TENM2: variants seen among roughly 807,000 people sequenced by gnomAD.
TENM2 encodes teneurin transmembrane protein 2, also known as teneurin-2.
TENM2 carries 52 observed loss-of-function variants against 245.2 expected under a neutral mutation model. That is an observed-to-expected ratio of 0.21 (90% CI 0.17 to 0.27). TENM2 has a LOEUF of 0.27. Among genes scored for constraint, TENM2 ranks in the 10% least tolerant of loss-of-function variants. The pLI, the probability that TENM2 is intolerant of heterozygous loss-of-function variation, is 1.00. For synonymous variants in TENM2, 1,363 were observed against 1,438.9 expected, an observed-to-expected ratio of 0.95 and a Z score of 1.19; for missense variants, 3,046 against 3,666.8, an observed-to-expected ratio of 0.83 and a Z score of 4.37.
the TENM2 span, among the ~76,000 whole-genome samples, chr5:167,071,195 A>G: frequency 6.6e-6 from 1 of 152,178 alleles, no homozygotes; most frequent in East Asian, 1.9e-4. Context: ...CATTGGTGGA[A>G]CTCCTTCAAA....
intron 2 of TENM2, among the ~76,000 whole-genome samples, chr5:167,528,738 G>A (rs891310351): frequency 1.3e-5 from 2 of 152,094 alleles, no homozygotes; most frequent in Non-Finnish European, 2.9e-5. Context: ...GCTGCTCAGC[G>A]ACTGATATTA....
At chr5:167,456,495 G>A (rs1765930756) in intron 2 of TENM2, among the ~76,000 whole-genome samples, 5 of 151,950 alleles carry the variant, frequency 3.3e-5, no homozygotes. Context: ...CACACATCTG[G>A]TTTTTAAATG....
intron 2 of TENM2, among the ~76,000 whole-genome samples, chr5:167,404,102 CTTAT>C (rs1173474557): frequency 6.6e-6 from 1 of 151,990 alleles, no homozygotes; most frequent in East Asian, 1.9e-4. Context: ...GAAAATGACA[CTTAT>C]ATTTTAAACC....
intron 13 of TENM2, 25 bp from the exon 16 acceptor site, chr5:168,190,312 T>C (rs922992518): frequency 2.5e-6 from 4 of 1,596,838 alleles, no homozygotes; most frequent in Non-Finnish European, 3.4e-6. Context: ...ATCTGCTGAC[T>C]CTGGCTCTGC....
intron 2 of TENM2, among the ~76,000 whole-genome samples, chr5:167,652,693 C>T (rs984801785): frequency 4.6e-5 from 7 of 152,136 alleles, no homozygotes; most frequent in Non-Finnish European, 8.8e-5. Flanking sequence ...TCTCTCTTTC[C>T]TTAATTGCTA....
intron 2 of TENM2, among the ~76,000 whole-genome samples, chr5:167,440,064 T>A (rs1433813661): frequency 1.4e-4 from 21 of 152,206 alleles, no homozygotes; most frequent in Admixed American, 1.4e-3. Context: ...TTTTCAGACA[T>A]AATTCATTTG....
chr5:167,958,317 T>C (rs1249448158), intron 4 of TENM2, among the ~76,000 whole-genome samples: 1 of 152,230 alleles, frequency 6.6e-6, no homozygotes, highest in African/African-American at 2.4e-5. Context: ...TGTTTTTTGC[T>C]TTCCATTTGC....
intron 2 of TENM2, among the ~76,000 whole-genome samples, chr5:167,661,579 C>CAT (rs1475041469): frequency 6.6e-6 from 1 of 152,204 alleles, no homozygotes; most frequent in African/African-American, 2.4e-5. Flanking sequence ...ACAAACTATA[C>CAT]ATCTTATTAA....
intron 2 of TENM2, among the ~76,000 whole-genome samples, chr5:167,507,549 C>T (rs757240353): frequency 1.9e-4 from 29 of 152,096 alleles, no homozygotes; most frequent in Non-Finnish European, 3.8e-4. Flanking sequence ...ACCTTCAATT[C>T]GAGATGAATG....
At chr5:167,367,231 A>G (rs891387496) in intron 1 of TENM2, among the ~76,000 whole-genome samples, 1 of 152,312 alleles carries the variant, frequency 6.6e-6, no homozygotes, top group South Asian at 2.1e-4. Flanking sequence ...GAATGGTTCT[A>G]GTTACAAATT....
chr5:167,036,745 T>C, the TENM2 span, among the ~76,000 whole-genome samples: 4 of 152,202 alleles, frequency 2.6e-5, no homozygotes, highest in Admixed American at 2.6e-4. Flanking sequence ...TGGGATATTA[T>C]AGTTGTCTGC....
chr5:167,791,133 ATTC>A (rs1243351993), intron 2 of TENM2, among the ~76,000 whole-genome samples: 1 of 152,124 alleles, frequency 6.6e-6, no homozygotes, highest in East Asian at 1.9e-4. Context: ...TCTTGGTAAT[ATTC>A]TTAGAATTTA....
At chr5:167,423,188 T>C (rs1763612806) in intron 2 of TENM2, among the ~76,000 whole-genome samples, 2 of 152,182 alleles carry the variant, frequency 1.3e-5, no homozygotes, top group Non-Finnish European at 2.9e-5. Context: ...TCCTAAGACT[T>C]GCAATTATTT....
intron 2 of TENM2, among the ~76,000 whole-genome samples, chr5:167,507,748 G>A (rs998793546): frequency 6.6e-6 from 1 of 152,078 alleles, no homozygotes; most frequent in Non-Finnish European, 1.5e-5. Context: ...CTGTGTATGG[G>A]TTAGTATAGT....
At chr5:167,384,130 GCTGA>G (rs1159839020) in intron 2 of TENM2, among the ~76,000 whole-genome samples, 3 of 152,166 alleles carry the variant, frequency 2.0e-5, no homozygotes, top group South Asian at 2.1e-4. Context: ...AATTCTCTCT[GCTGA>G]CTTTCACTTC....
intron 2 of TENM2, among the ~76,000 whole-genome samples, chr5:167,598,072 G>A (rs549822890): frequency 6.6e-6 from 1 of 152,318 alleles, no homozygotes; most frequent in South Asian, 2.1e-4. Flanking sequence ...GGAGACCAGT[G>A]AAGCATGAAG....
chr5:168,155,118 T>A (rs980785365), intron 12 of TENM2, among the ~76,000 whole-genome samples: 3 of 152,272 alleles, frequency 2.0e-5, no homozygotes, highest in African/African-American at 7.2e-5. Flanking sequence ...CTTCCAAAAC[T>A]AGTTGGAGAT....
At chr5:167,281,948 G>A (rs1041667369), upstream of TENM2, among the ~76,000 whole-genome samples, 7 of 149,258 alleles carry the variant, frequency 4.7e-5, no homozygotes, top group East Asian at 2.0e-4. Context: ...TGCAGTGAGC[G>A]GAGATCACGC....
At chr5:167,335,162 T>G (rs1008012534) in intron 1 of TENM2, among the ~76,000 whole-genome samples, 2 of 152,066 alleles carry the variant, frequency 1.3e-5, no homozygotes, top group African/African-American at 2.4e-5. Context: ...CTCAGGGAGC[T>G]TTGACTCATG....
Sources: gnomAD v4.1 joint callset for allele counts (sites outside exome capture counted in the v4.1 genomes callset) on GRCh38, gnomAD v4.1.1 for gene constraint, MANE v1.5 for transcripts, NCBI Gene and HGNC (gene_info 2026-07-23, HGNC 2026-07-21) for gene names.